HEXB: variants seen among roughly 807,000 people sequenced by gnomAD.
HEXB encodes the protein hexosaminidase subunit beta.
A neutral mutation model predicts 71.2 loss-of-function variants in HEXB; 51 were observed. That is an observed-to-expected ratio of 0.72 (90% CI 0.57 to 0.90). The LOEUF is 0.90. HEXB is among the 40% of genes least tolerant of loss of function. HEXB has a pLI of 0.00. For synonymous variants in HEXB, 266 were observed against 249.3 expected, an observed-to-expected ratio of 1.07 and a Z score of -0.63; for missense variants, 617 against 677.0, an observed-to-expected ratio of 0.91 and a Z score of 0.98.
Position 74,652,304 on chromosome 5 carries a change from T to C in HEXB, c.-377+11746T>C, listed in dbSNP as rs905110396. Among the ~76,000 whole-genome samples the C allele has an allele frequency of 1.4e-4, 22 of 152,198 alleles. No homozygotes were observed. Among genetic ancestry groups the C allele is most frequent in the African/African-American group, 5.1e-4 (21 of 41,456 alleles). On this transcript the variant is annotated intron_variant, in intron 1 of 13. Transcript: ENST00000511181. This position sits in a 1 kb window ranked among gnomAD's most constrained non-coding sequence, Gnocchi z 5.4. ...CTTGTGCAAGAATCCAGTTATTAAATGGCAGAATCCAGACCCCTCGCTTTC... is the reference window on the plus strand; with the variant it reads ...CTTGTGCAAGAATCCAGTTATTAAACGGCAGAATCCAGACCCCTCGCTTTC...
At chr5:74,671,876 T>C (rs1284839756) in intron 1 of HEXB, among the ~76,000 whole-genome samples, 1 of 152,196 alleles carries the variant, frequency 6.6e-6, no homozygotes, top group Non-Finnish European at 1.5e-5. Flanking sequence ...TGTCCGATTC[T>C]GTCTGTCTGC....
At chr5:74,682,455 T>A (rs182812538), upstream of HEXB, among the ~76,000 whole-genome samples, 1 of 152,210 alleles carries the variant, frequency 6.6e-6, no homozygotes, top group Non-Finnish European at 1.5e-5. Flanking sequence ...TGAGATAATC[T>A]AATCCAGAAT....
chr5:74,644,958 G>C (rs889453088), intron 1 of HEXB, among the ~76,000 whole-genome samples: 57 of 151,802 alleles, frequency 3.8e-4, no homozygotes, highest in African/African-American at 1.4e-3. Flanking sequence ...TTTTAGTACA[G>C]ACAGGGGTCC....
chr5:74,676,963 T>A (rs1748641787), intron 1 of HEXB, among the ~76,000 whole-genome samples: 1 of 152,078 alleles, frequency 6.6e-6, no homozygotes, highest in South Asian at 2.1e-4. Context: ...CTCGGCTCAC[T>A]GCAAACTCCA....
chr5:74,643,953 TC>T (rs1747954399), intron 1 of HEXB, among the ~76,000 whole-genome samples: 1 of 152,296 alleles, frequency 6.6e-6, no homozygotes, highest in Admixed American at 6.5e-5. Context: ...CAGCTTTCCT[TC>T]CCCGAGTTAT....
chr5:74,702,040 A>G (rs190792133), intron 5 of HEXB, among the ~76,000 whole-genome samples: 17 of 145,676 alleles, frequency 1.2e-4, no homozygotes, highest in African/African-American at 4.3e-4. Flanking sequence ...GGCCACCATT[A>G]ATCTGCAACT....
intron 12 of HEXB, 27 bp from the exon 13 acceptor site, chr5:74,720,616 C>CGG: frequency 6.2e-7 from 1 of 1,602,050 alleles, no homozygotes; most frequent in Non-Finnish European, 8.6e-7. Context: ...AAACTGCTTG[C>CGG]GGGGGGATGT....
intron 1 of HEXB, among the ~76,000 whole-genome samples, chr5:74,655,685 G>A (rs922330770): frequency 1.3e-5 from 2 of 152,106 alleles, no homozygotes; most frequent in Non-Finnish European, 2.9e-5. Flanking sequence ...CATATATTTA[G>A]TGAGCATGTT....
At chr5:74,698,641 C>T (rs185922357) in intron 5 of HEXB, among the ~76,000 whole-genome samples, 3,200 of 148,404 alleles carry the variant, frequency 0.022, 43 homozygotes, top group Middle Eastern at 0.04. Flanking sequence ...CCGCCTGCCT[C>T]AGCCTCCCAA....
chr5:74,687,305 G>A (rs1748896846), intron 1 of HEXB, among the ~76,000 whole-genome samples: 1 of 152,208 alleles, frequency 6.6e-6, no homozygotes, highest in African/African-American at 2.4e-5. Context: ...AAAGTGCGAC[G>A]TGGTCAGGAA....
chr5:74,672,696 T>C (rs769553804), intron 1 of HEXB, among the ~76,000 whole-genome samples: 4 of 152,230 alleles, frequency 2.6e-5, no homozygotes, highest in Non-Finnish European at 4.4e-5. Context: ...CCATTTCTGC[T>C]TCCCTGAGAG....
At chr5:74,669,421 C>T (rs1394394677) in intron 1 of HEXB, among the ~76,000 whole-genome samples, 3 of 151,968 alleles carry the variant, frequency 2.0e-5, no homozygotes, top group African/African-American at 7.3e-5. Context: ...AAGTAACTTA[C>T]CTTATCAATA....
intron 5 of HEXB, 31 bp from the exon 6 acceptor site, chr5:74,705,188 G>A (rs544375413): frequency 8.0e-7 from 1 of 1,247,654 alleles, no homozygotes; most frequent in Non-Finnish European, 1.2e-6. Flanking sequence ...GATATCTGCA[G>A]TAAATAATTT....
chr5:74,699,986 T>C (rs965853156), intron 5 of HEXB, among the ~76,000 whole-genome samples: 1 of 148,988 alleles, frequency 6.7e-6, no homozygotes, highest in African/African-American at 2.5e-5. Flanking sequence ...TTTTATATTA[T>C]AAACTGTAAG....
intron 1 of HEXB, among the ~76,000 whole-genome samples, chr5:74,647,704 G>A (rs981058815): frequency 6.6e-6 from 1 of 152,158 alleles, no homozygotes; most frequent in Non-Finnish European, 1.5e-5. Flanking sequence ...CTTTATCTGA[G>A]GATATTTGGA....
rs1018059867 is a variant in HEXB at position 74,652,486 on chromosome 5, A to T, written c.-377+11928A>T. On this transcript the variant is annotated intron_variant, in intron 1 of 13. Coordinates refer to the HEXB transcript ENST00000511181. This position sits in a 1 kb window ranked among gnomAD's most constrained non-coding sequence, Gnocchi z 5.4. Reference sequence around the variant, plus strand: ...GCTCCCATGTGTTGGGATGTTTTGCAAAATTTTTTACATTCAAAAGAGTCC... The same window carrying T: ...GCTCCCATGTGTTGGGATGTTTTGCTAAATTTTTTACATTCAAAAGAGTCC... 1.3e-5 allele frequency among the ~76,000 whole-genome samples: 2 copies of T among 152,238 alleles called. No homozygotes were observed. Among genetic ancestry groups the T allele is most frequent in the Non-Finnish European group, 2.9e-5 (2 of 68,032 alleles).
At chr5:74,682,115 T>C (rs1056309783), upstream of HEXB, among the ~76,000 whole-genome samples, 2 of 152,124 alleles carry the variant, frequency 1.3e-5, no homozygotes, top group African/African-American at 4.8e-5. Flanking sequence ...TCCCAGCACT[T>C]TGGGAGGCCG....
At chr5:74,664,520 C>T (rs886541224) in intron 1 of HEXB, among the ~76,000 whole-genome samples, 2 of 149,710 alleles carry the variant, frequency 1.3e-5, no homozygotes, top group Non-Finnish European at 3.0e-5. Context: ...ATTACATTCT[C>T]CCATTTCATG....
intron 5 of HEXB, among the ~76,000 whole-genome samples, chr5:74,697,603 G>A (rs1158547985): frequency 6.6e-6 from 1 of 151,698 alleles, no homozygotes; most frequent in African/African-American, 2.4e-5. Context: ...GCGTGCGCCT[G>A]TAATCCCAGC....
Sources: allele counts gnomAD v4.1 joint callset (sites outside exome capture counted in the v4.1 genomes callset), GRCh38; gene constraint gnomAD v4.1.1; non-coding constraint Gnocchi (gnomAD v3.1); transcripts MANE v1.5; gene names NCBI Gene and HGNC (gene_info 2026-07-23, HGNC 2026-07-21).